Variants in RECQL5 observed in about 807,000 individuals in gnomAD.
RECQL5 encodes RecQ like helicase 5.
In RECQL5, 88 loss-of-function variants were observed where a neutral mutation model predicts 103.4. The observed-to-expected ratio is 0.85, with a 90% CI of 0.72 to 1.02. The LOEUF (loss-of-function observed/expected upper bound fraction) is 1.02. Among genes scored for constraint, RECQL5 ranks in the 50% least tolerant of loss-of-function variants. The probability of loss-of-function intolerance (pLI) is 0.00; values close to 1 mark genes in which losing one functional copy is unlikely to be tolerated. For missense variants in RECQL5, 1,232 were observed against 1,284.3 expected (o/e 0.96, Z 0.62); for synonymous variants, 552 against 507.9 (o/e 1.09, Z -1.17).
chr17:75,658,006 C>T (rs929719824), intron 7 of RECQL5, among the ~76,000 whole-genome samples: 1 of 151,938 alleles, frequency 6.6e-6, no homozygotes, highest in Non-Finnish European at 1.5e-5. Context: ...CGAGTTCATG[C>T]CATTGCACTC....
chr17:75,629,786 A>G lies in RECQL5; in HGVS notation c.1869T>C (p.Ser623=). The G allele has an allele frequency of 2.5e-6, 4 of 1,613,542 alleles. No homozygotes were observed. In the South Asian group the frequency reaches 4.4e-5, roughly 18 times the overall value. The part of the protein sequence containing the change: ...KDGQPYDMGG[S]AKSCSAQAEP... ...CAGCTTGGGCACTGCAGCTCTTGGC[A>G]CTGCCTCCCATGTCATAGGGCTGCC... Residue 623 remains serine, a synonymous_variant, in exon 15 of 20, where the codon AGT becomes AGC. Transcript: ENST00000317905.
intron 8 of RECQL5, among the ~76,000 whole-genome samples, chr17:75,642,696 T>C (rs954700688): frequency 6.6e-6 from 1 of 152,114 alleles, no homozygotes; most frequent in African/African-American, 2.4e-5. Flanking sequence ...TTACACATAC[T>C]CAGCATTGTC....
intron 1 of RECQL5, chr17:75,666,799 G>A (rs2148355174): frequency 5.8e-6 from 3 of 513,356 alleles, no homozygotes; most frequent in South Asian, 4.4e-5. Flanking sequence ...ACTATTCCAG[G>A]CCACGGTATA....
In RECQL5 at chr17:75,628,662, C is replaced by A; in HGVS notation, c.2580+10G>T. 6.3e-7 allele frequency: 1 copy of A among 1,581,776 alleles called. No homozygotes were observed. ...TCTCTCCTCCCCAACAGACTCATCC[C>A]TGCCGGCACCTGCTGGGATCGAGGC... On this transcript the variant is annotated intron_variant, in intron 17 of 19. Transcript: ENST00000317905.
At chr17:75,638,089 C>G (rs2049916004) in intron 8 of RECQL5, 1 of 152,164 alleles carries the variant, frequency 6.6e-6, no homozygotes, top group Non-Finnish European at 1.5e-5. Flanking sequence ...GTGTGAGAAG[C>G]TGGGTGGATC....
At chr17:75,639,246 C>G (rs1303013071) in intron 8 of RECQL5, 2 of 152,474 alleles carry the variant, frequency 1.3e-5, no homozygotes, top group South Asian at 4.1e-4. Context: ...GGCACCAGCC[C>G]CTGGCCACCT....
chr17:75,630,523 G>T (rs1238456156), intron 13 of RECQL5, 96 bp downstream of exon 13: 2 of 1,293,018 alleles, frequency 1.5e-6, no homozygotes, highest in Non-Finnish European at 2.2e-6. Flanking sequence ...AATCTGGGGA[G>T]AGGTGGCCCA....
chr17:75,631,417 G>C, intron 9 of RECQL5, 33 bp downstream of exon 9: 1 of 1,595,982 alleles, frequency 6.3e-7, no homozygotes, highest in Non-Finnish European at 8.6e-7. Context: ...GGCAATTCCA[G>C]CGGGTTGGAG....
intron 8 of RECQL5, chr17:75,650,532 A>T: frequency 6.8e-7 from 1 of 1,471,154 alleles, no homozygotes; most frequent in Non-Finnish European, 9.1e-7. Context: ...AGTCTGAAGC[A>T]ATCACGTCAG....
chr17:75,646,000 C>T (rs186772015), intron 8 of RECQL5, among the ~76,000 whole-genome samples: 26 of 152,306 alleles, frequency 1.7e-4, no homozygotes, highest in Admixed American at 1.6e-3. Flanking sequence ...CTGGCCATAG[C>T]GGGCCCTCAC....
chr17:75,661,780 G>C, intron 4 of RECQL5, 72 bp from the exon 5 acceptor site: 1 of 1,125,868 alleles, frequency 8.9e-7, no homozygotes, highest in African/African-American at 1.5e-5. Context: ...AATGCACCCT[G>C]CTCTAAAAGA....
At chr17:75,665,378 G>A (rs915583075) in intron 2 of RECQL5, among the ~76,000 whole-genome samples, 1 of 152,160 alleles carries the variant, frequency 6.6e-6, no homozygotes, top group African/African-American at 2.4e-5. Context: ...ACCATTTCTA[G>A]TAATGGTTAA....
intron 3 of RECQL5, 71 bp from the exon 4 acceptor site, chr17:75,663,068 A>C (rs2059720489): frequency 4.1e-6 from 6 of 1,463,354 alleles, no homozygotes; most frequent in Non-Finnish European, 5.5e-6. Flanking sequence ...TCCCTGGAGG[A>C]TTTCCCAGTC....
intron 3 of RECQL5, among the ~76,000 whole-genome samples, chr17:75,664,227 A>C (rs1416433035): frequency 1.3e-5 from 2 of 152,196 alleles, no homozygotes; most frequent in African/African-American, 4.8e-5. Context: ...TGATTCTATC[A>C]GCCCATCTGC....
At chr17:75,649,682 A>T (rs1297107907) in intron 8 of RECQL5, 1 of 985,388 alleles carries the variant, frequency 1.0e-6, no homozygotes, top group East Asian at 1.1e-4. Context: ...ATAAAGAAAC[A>T]TTCACTTATT....
intron 2 of RECQL5, 22 bp downstream of exon 2, chr17:75,666,406 G>T: frequency 6.2e-7 from 1 of 1,613,548 alleles, no homozygotes; most frequent in Non-Finnish European, 8.5e-7. Context: ...AAATTTAAAG[G>T]AAGGTAGCTT....
chr17:75,651,668 C>G (rs1408078218), intron 7 of RECQL5, among the ~76,000 whole-genome samples: 4 of 151,918 alleles, frequency 2.6e-5, no homozygotes, highest in Non-Finnish European at 4.4e-5. Flanking sequence ...CAAAAGTGTC[C>G]CCAAACCTGA....
chr17:75,633,961 T>G, intron 8 of RECQL5: 1 of 985,518 alleles, frequency 1.0e-6, no homozygotes. Flanking sequence ...GACATGAAGT[T>G]GGAGGACAAG....
At chr17:75,633,135 C>T (rs915438429) in intron 8 of RECQL5, among the ~76,000 whole-genome samples, 5 of 152,374 alleles carry the variant, frequency 3.3e-5, no homozygotes, top group African/African-American at 1.2e-4. Context: ...TGAGTAAATG[C>T]AACAAATGGT....
Sources: allele counts gnomAD v4.1 joint callset (sites outside exome capture counted in the v4.1 genomes callset), GRCh38; gene constraint gnomAD v4.1.1; transcripts MANE v1.5; gene names NCBI Gene and HGNC (gene_info 2026-07-23, HGNC 2026-07-21).